Variants in DTX1 observed in about 807,000 individuals in gnomAD.
DTX1 encodes E3 ubiquitin-protein ligase DTX1.
In DTX1, 26 loss-of-function variants were observed where a neutral mutation model predicts 57.8. That is an observed-to-expected ratio of 0.45 (90% CI 0.33 to 0.62). The LOEUF (loss-of-function observed/expected upper bound fraction) is 0.62. Among genes scored for constraint, DTX1 ranks in the 20% least tolerant of loss-of-function variants. The probability of loss-of-function intolerance (pLI) is 0.02; values close to 1 mark genes in which losing one functional copy is unlikely to be tolerated. For missense variants in DTX1, 704 were observed against 895.3 expected (o/e 0.79, Z 2.73); for synonymous variants, 398 against 394.1 (o/e 1.01, Z -0.12).
chr12:113,062,069 A>ACT (rs1555232516), intron 2 of DTX1, among the ~76,000 whole-genome samples: 20 of 149,246 alleles, frequency 1.3e-4, no homozygotes, highest in Non-Finnish European at 2.2e-4. Context: ...ACACACACAC[A>ACT]CTCCAACATA....
intron 2 of DTX1, among the ~76,000 whole-genome samples, chr12:113,068,279 C>T (rs527736010): frequency 6.6e-6 from 1 of 152,336 alleles, no homozygotes; most frequent in South Asian, 2.1e-4. Flanking sequence ...TGTAAACCAG[C>T]CCAGCCTTGG....
chr12:113,066,706 A>C (rs1244978674), intron 2 of DTX1, among the ~76,000 whole-genome samples: 2 of 128,268 alleles, frequency 1.6e-5, no homozygotes, highest in African/African-American at 2.5e-5. Flanking sequence ...ATGAGCACCT[A>C]CTGTGTGCCA....
chr12:113,082,994 G>A (rs576350745), intron 3 of DTX1, among the ~76,000 whole-genome samples: 77 of 152,210 alleles, frequency 5.1e-4, no homozygotes, highest in Non-Finnish European at 1.0e-3. Flanking sequence ...TCACATTCTT[G>A]AGACTAGAAG....
intron 3 of DTX1, among the ~76,000 whole-genome samples, chr12:113,085,700 C>A (rs2731303): frequency 0.48 from 73,002 of 151,788 alleles, 18,061 homozygotes; most frequent in Middle Eastern, 0.68. Context: ...TTAATTAATT[C>A]ATTCATATTT....
intron 7 of DTX1, 35 bp from the exon 8 acceptor site, chr12:113,095,007 G>C (rs764480308): frequency 1.9e-6 from 3 of 1,603,980 alleles, no homozygotes; most frequent in East Asian, 2.2e-5. Context: ...GTTTGGGGGG[G>C]TGCTGGGAAC....
chr12:113,093,316 G>T lies in DTX1; in HGVS notation c.1003+93G>T. ...GTGACCCCGCCCCCGAGATGGGCTG[G>T]TGAGCGTGGCCCGGAGGAAACGCCC... is the stretch of plus-strand genomic sequence containing the variant. On this transcript the variant is annotated intron_variant, in intron 4 of 9. Coordinates refer to ENST00000548759, the MANE Select transcript of DTX1 (RefSeq NM_004416.3). The surrounding 1 kb of genome is among the most constrained non-coding windows in gnomAD (Gnocchi z 4.2). 1 of 1,458,020 alleles carries T rather than the reference G, an allele frequency of 6.9e-7. No individual in the cohort carries two copies. Among genetic ancestry groups the T allele is most frequent in the South Asian group, 1.3e-5 (1 of 79,716 alleles). 90.3% of individuals were successfully genotyped at this position (1,458,020 alleles called of 1,614,324 possible). A position where few individuals can be genotyped will look rare whatever the true frequency, so the allele number is the denominator to read the frequency against.
rs370198782 is a variant in DTX1 at position 113,074,228 on chromosome 12, C to CAT, written c.260-3184_260-3183dup. Among the ~76,000 whole-genome samples, 14 of 151,664 alleles carry CAT rather than the reference C, an allele frequency of 9.2e-5. No homozygotes were observed. The East Asian group carries it at 1.2e-3, about 13-fold the overall frequency. ...TGGGTGACAGAGAAAGACTCTCTCT[C>CAT]ATATATATATATAGTCAGTCAGGTA... is the stretch of plus-strand genomic sequence containing the variant. On this transcript the variant is annotated intron_variant, in intron 2 of 9. Coordinates refer to ENST00000548759, the MANE Select transcript of DTX1 (RefSeq NM_004416.3).
At chr12:113,057,182 G>C (rs967292352) in intron 1 of DTX1, among the ~76,000 whole-genome samples, 11 of 152,088 alleles carry the variant, frequency 7.2e-5, no homozygotes, top group African/African-American at 2.4e-4. Flanking sequence ...GCATCCCCCC[G>C]GCAGGGCGAG....
chr12:113,062,658 G>A (rs1426340875), intron 2 of DTX1, among the ~76,000 whole-genome samples: 2 of 152,136 alleles, frequency 1.3e-5, no homozygotes, highest in African/African-American at 2.4e-5. Context: ...GTACACGTGC[G>A]TGTGCGTACA....
At chr12:113,090,423 G>A (rs531048376) in intron 3 of DTX1, among the ~76,000 whole-genome samples, 1 of 152,232 alleles carries the variant, frequency 6.6e-6, no homozygotes, top group South Asian at 2.1e-4. Context: ...CAGGGTGCCC[G>A]ACAAGAAAAT....
Position 113,056,789 on chromosome 12 carries a change from C to T in DTX1, c.-900C>T. 6.6e-6 allele frequency: 1 copy of T among 151,610 alleles called. No homozygotes were observed. The highest frequency in any genetic ancestry group is 1.9e-4 in the East Asian group (1 of 5,158). The allele number at this position is 151,610 out of a possible 1,614,324, so 9.4% of individuals were successfully genotyped here. On this transcript the variant is annotated 5_prime_UTR_variant, in exon 1 of 10. Coordinates refer to ENST00000548759, the MANE Select transcript of DTX1 (RefSeq NM_004416.3). ...TGCGTCCGTCCGTCGGCCGGGCAGT[C>T]TGTCCACGCGCGGAAAGCTCGGCGC...
Position 113,094,934 on chromosome 12 carries a change from C to A in DTX1, c.1373C>A (p.Ser458Tyr). 1 of 1,613,058 alleles carries A rather than the reference C, an allele frequency of 6.2e-7. No homozygotes were observed. The part of the protein sequence containing the change: ...YHLLCLVAMY[S>Y]NGNKDGSLQC... ...CTGCTGTGCCTCGTGGCCATGTACT[C>A]CAATGGCAACAAGGTGGGTTGGGCG... The change falls in exon 7 of 10, where the codon TCC (serine) becomes TAC (tyrosine). Residue 458 changes from serine to tyrosine, a missense_variant. By Grantham distance (144) the Ser-to-Tyr change is moderately radical (BLOSUM62 -2). Coordinates refer to ENST00000548759, the MANE Select transcript of DTX1 (RefSeq NM_004416.3).
intron 3 of DTX1, among the ~76,000 whole-genome samples, chr12:113,091,159 G>A (rs995003295): frequency 5.3e-5 from 8 of 152,256 alleles, no homozygotes; most frequent in East Asian, 1.9e-4. Context: ...ATGAGCCACC[G>A]ACTCTTGTCC....
intron 2 of DTX1, among the ~76,000 whole-genome samples, chr12:113,070,261 T>C (rs566145520): frequency 1.3e-5 from 2 of 152,278 alleles, no homozygotes; most frequent in South Asian, 4.1e-4. Context: ...GACTTCTGGG[T>C]TGGTGAAGGA....
At chr12:113,090,800 G>A (rs1167898974) in intron 3 of DTX1, among the ~76,000 whole-genome samples, 1 of 152,212 alleles carries the variant, frequency 6.6e-6, no homozygotes, top group Non-Finnish European at 1.5e-5. Context: ...CTGTGTGCAT[G>A]TGTGATTGTG....
chr12:113,079,125 T>C (rs1625761), intron 3 of DTX1, among the ~76,000 whole-genome samples: 103,452 of 151,920 alleles, frequency 0.68, 36,644 homozygotes, highest in African/African-American at 0.83. Flanking sequence ...TACCCTGGAC[T>C]CCAGATTCAG....
rs534994825 is a variant in DTX1 at position 113,097,144 on chromosome 12, G to A, written c.*205G>A. On this transcript the variant is annotated 3_prime_UTR_variant, in exon 10 of 10. Transcript: ENST00000548759. ...GCCCCGAATCATAGCTCCCTGAGAG[G>A]GCCAAGCAGAGAGTACTGGAAACCT... 36 of 606,536 alleles carry A rather than the reference G, an allele frequency of 5.9e-5. No individual in the cohort carries two copies. The African/African-American group carries it at 6.5e-4, about 11-fold the overall frequency. 37.6% of individuals were successfully genotyped at this position (606,536 alleles called of 1,614,324 possible).
rs770081786 is a variant in DTX1 at position 113,095,403 on chromosome 12, A to C, written c.1627A>C (p.Lys543Gln). The C allele has an allele frequency of 1.1e-5, 17 of 1,614,214 alleles. No homozygotes were observed. The highest frequency in any genetic ancestry group is 1.4e-5 in the Non-Finnish European group (17 of 1,180,036). ...CCACTGCTATCTACCCAACAACGAGAAAGGCCGGAAGGTGGGTGCCCAGCC... is the reference window on the plus strand; with the variant it reads ...CCACTGCTATCTACCCAACAACGAGCAAGGCCGGAAGGTGGGTGCCCAGCC... ...PRHCYLPNNEKGRKVLRLLIT... is the reference protein window; with the variant it reads ...PRHCYLPNNEQGRKVLRLLIT... The change falls in exon 9 of 10, where the codon AAA (lysine) becomes CAA (glutamine). Residue 543 changes from lysine (K) to glutamine (Q), a missense_variant. Coordinates refer to ENST00000548759, the MANE Select transcript of DTX1 (RefSeq NM_004416.3).
At chr12:113,081,678 A>C (rs1592850235) in intron 3 of DTX1, among the ~76,000 whole-genome samples, 1 of 152,126 alleles carries the variant, frequency 6.6e-6, no homozygotes, top group Non-Finnish European at 1.5e-5. Flanking sequence ...GAACAACTTC[A>C]AGGGGGCTCG....
Sources: gnomAD v4.1 joint callset for allele counts (sites outside exome capture counted in the v4.1 genomes callset) on GRCh38, gnomAD v4.1.1 for gene constraint, Gnocchi (gnomAD v3.1) non-coding constraint, MANE v1.5 for transcripts, NCBI Gene and HGNC (gene_info 2026-07-23, HGNC 2026-07-21) for gene names.